Variants in CRTAM observed in about 807,000 individuals in gnomAD.
The protein encoded by CRTAM is cytotoxic and regulatory T-cell molecule.
A neutral mutation model predicts 50.0 loss-of-function variants in CRTAM; 44 were observed. The ratio of observed to expected loss-of-function variants is 0.88; its 90% confidence interval spans 0.69 to 1.13. The LOEUF is 1.13. Among genes scored for constraint, CRTAM ranks in the 50% most tolerant of loss-of-function variants. CRTAM has a pLI of 0.00. For synonymous variants in CRTAM, 159 were observed against 169.3 expected, an observed-to-expected ratio of 0.94 and a Z score of 0.47; for missense variants, 448 against 457.5, an observed-to-expected ratio of 0.98 and a Z score of 0.19.
At chr11:122,871,191 T>C (rs1862247432) in intron 9 of CRTAM, 78 bp from the exon 10 acceptor site, 1 of 1,320,314 alleles carries the variant, frequency 7.6e-7, no homozygotes, top group South Asian at 1.6e-5. Context: ...AAATATGATA[T>C]CCAATCAAAG....
In CRTAM at chr11:122,851,712, C is replaced by T; in HGVS notation, c.213C>T (p.Tyr71=). ...GTACAGCTTTAAAAAATTCCAAATA[C>T]CAGCTTCTTCATCACTCGGCCAATC... The part of the protein sequence containing the change: ...NEYPALKNSK[Y]QLLHHSANQL... Residue 71 remains tyrosine (Y), a synonymous_variant, in exon 3 of 10, where the codon TAC becomes TAT. Coordinates refer to ENST00000227348, the MANE Select transcript of CRTAM (RefSeq NM_019604.4). 7 of 1,614,164 alleles carry T rather than the reference C, an allele frequency of 4.3e-6. No homozygotes were observed. The highest frequency in any genetic ancestry group is 5.9e-6 in the Non-Finnish European group (7 of 1,180,012).
At chr11:122,841,002 A>T (rs990473782) in intron 1 of CRTAM, among the ~76,000 whole-genome samples, 1 of 152,206 alleles carries the variant, frequency 6.6e-6, no homozygotes, top group African/African-American at 2.4e-5. Context: ...TGTGGAGGGT[A>T]GGATGCAGAA....
Position 122,870,401 on chromosome 11 carries a change from T to C in CRTAM, c.1052-868T>C, listed in dbSNP as rs542561126. Among the ~76,000 whole-genome samples the C allele has an allele frequency of 6.6e-5, 10 of 152,274 alleles. No homozygotes were observed. In the East Asian group the frequency reaches 1.5e-3, roughly 24 times the overall value. On this transcript the variant is annotated intron_variant, in intron 9 of 9. Coordinates refer to ENST00000227348, the MANE Select transcript of CRTAM (RefSeq NM_019604.4). ...CAGCCAACTTTAAGAATATTTAAAA[T>C]GAGTACCTGCACGACTCAGGGGATT...
At chr11:122,846,926 C>T (rs1396412960) in intron 1 of CRTAM, among the ~76,000 whole-genome samples, 2 of 152,120 alleles carry the variant, frequency 1.3e-5, no homozygotes, top group Non-Finnish European at 2.9e-5. Flanking sequence ...GAAGGAGATC[C>T]CTAGTGAAGA....
intron 5 of CRTAM, among the ~76,000 whole-genome samples, chr11:122,856,335 T>C (rs1862007579): frequency 6.6e-6 from 1 of 152,276 alleles, no homozygotes; most frequent in Admixed American, 6.5e-5. Flanking sequence ...GATTTTAGTT[T>C]AACCATGTTA....
intron 2 of CRTAM, among the ~76,000 whole-genome samples, chr11:122,850,958 G>T (rs956442690): frequency 6.6e-6 from 1 of 152,166 alleles, no homozygotes; most frequent in Non-Finnish European, 1.5e-5. Flanking sequence ...ATAAAGCAGA[G>T]CCTCTTAAAG....
At chr11:122,854,231 T>C (rs1861975724) in intron 4 of CRTAM, 145 bp downstream of exon 4, 1 of 761,936 alleles carries the variant, frequency 1.3e-6, no homozygotes, top group Non-Finnish European at 2.0e-6. Context: ...AAGTTATTCT[T>C]ACAACCAATC....
At chr11:122,869,160 G>T (rs974657323) in intron 9 of CRTAM, among the ~76,000 whole-genome samples, 1 of 152,166 alleles carries the variant, frequency 6.6e-6, no homozygotes, top group Non-Finnish European at 1.5e-5. Context: ...AGCAGAAGGT[G>T]ACTTCCTTTT....
intron 9 of CRTAM, 101 bp downstream of exon 9, chr11:122,868,200 G>A: frequency 5.8e-6 from 3 of 513,950 alleles, no homozygotes; most frequent in East Asian, 7.3e-5. Context: ...GTGTGTGTGT[G>A]TGTGTGTGTG....
chr11:122,855,644 A>C lies in CRTAM; in HGVS notation c.491-51A>C, dbSNP rs774685857. On this transcript the variant is annotated intron_variant, in intron 4 of 9. Transcript: ENST00000227348. ...AGGCCATTGGCCTCTAATAGAACCAACCTCATCCAGTAGCATTAAATAGCC... is the reference window on the plus strand; with the variant it reads ...AGGCCATTGGCCTCTAATAGAACCACCCTCATCCAGTAGCATTAAATAGCC... 2.2e-5 allele frequency: 34 copies of C among 1,558,788 alleles called. No homozygotes were observed. In the South Asian group the frequency reaches 3.9e-4, roughly 18 times the overall value.
Position 122,871,638 on chromosome 11 carries a change from C to A in CRTAM, c.*239C>A. The A allele has an allele frequency of 3.6e-6, 1 of 277,658 alleles. No homozygotes were observed. Among genetic ancestry groups the A allele is most frequent in the Non-Finnish European group, 6.7e-6 (1 of 150,086 alleles). The allele number at this position is 277,658 out of a possible 1,614,324, so 17.2% of individuals were successfully genotyped here. A position where few individuals can be genotyped will look rare whatever the true frequency, so the allele number is the denominator to read the frequency against. The stretch of plus-strand genomic sequence containing the variant: ...AAAAAAATAATTATGCCTGACACTA[C>A]TTCAGAGCAGGAGGATTCTACGAAG... On this transcript the variant is annotated 3_prime_UTR_variant, in exon 10 of 10. Transcript: ENST00000227348.
intron 5 of CRTAM, among the ~76,000 whole-genome samples, chr11:122,857,119 C>A (rs1862016994): frequency 6.6e-6 from 1 of 152,204 alleles, no homozygotes; most frequent in African/African-American, 2.4e-5. Context: ...TGGCAGTTCT[C>A]CACCTTTACG....
At chr11:122,869,300 A>G (rs1217185721) in intron 9 of CRTAM, among the ~76,000 whole-genome samples, 2 of 152,148 alleles carry the variant, frequency 1.3e-5, no homozygotes. Flanking sequence ...TTACATAGCT[A>G]CTACAATACT....
Position 122,851,425 on chromosome 11 carries a change from T to C in CRTAM, c.194-268T>C, listed in dbSNP as rs542887761. On this transcript the variant is annotated intron_variant, in intron 2 of 9. Transcript: ENST00000227348. ...TTTAAATAGAGATAATTCTGTTACA[T>C]AATGCTTTTTGTTGTTTTGTTTCTG... 7.0e-4 allele frequency among the ~76,000 whole-genome samples: 107 copies of C among 152,334 alleles called. 1 individual carries two copies. Among genetic ancestry groups the C allele is most frequent in the African/African-American group, 2.3e-3 (96 of 41,582 alleles).
chr11:122,845,155 G>C (rs973801735), intron 1 of CRTAM, among the ~76,000 whole-genome samples: 1 of 152,144 alleles, frequency 6.6e-6, no homozygotes, highest in Non-Finnish European at 1.5e-5. Context: ...GTTAGGAAGG[G>C]AGTCAAAAAG....
At chr11:122,867,964 A>T in intron 8 of CRTAM, 49 bp from the exon 9 acceptor site, 3 of 1,100,356 alleles carry the variant, frequency 2.7e-6, no homozygotes, top group Non-Finnish European at 4.2e-6. Context: ...ATACATTTCT[A>T]CATGTCCATG....
intron 7 of CRTAM, among the ~76,000 whole-genome samples, chr11:122,865,047 T>A (rs1196711363): frequency 1.3e-5 from 2 of 152,076 alleles, no homozygotes; most frequent in African/African-American, 4.8e-5. Context: ...ATATATATTT[T>A]TTTTGTGAGA....
In CRTAM at chr11:122,868,052, C is replaced by T; in HGVS notation, c.1004C>T (p.Ser335Leu). 1 of 1,613,222 alleles carries T rather than the reference C, an allele frequency of 6.2e-7. No homozygotes were observed. Among genetic ancestry groups the T allele is most frequent in the South Asian group, 1.1e-5 (1 of 91,026 alleles). The stretch of plus-strand genomic sequence containing the variant: ...GAACACACACTAGAAAGTTACAGAT[C>T]AAGGTCAAATAATGAAGAAACATCA... ...VSEHTLESYR[S>L]RSNNEETSSE... The change falls in exon 9 of 10, where the codon TCA (serine) becomes TTA (leucine). Residue 335 changes from serine (S) to leucine (L), a missense_variant. Ser to Leu is a moderately radical substitution (Grantham distance 145). Coordinates refer to ENST00000227348, the MANE Select transcript of CRTAM (RefSeq NM_019604.4).
At position 122,872,420 on chromosome 11, in the gene CRTAM, G is replaced by T. The variant is rs1361320273; in HGVS notation, c.*1021G>T. 2.6e-5 allele frequency: 4 copies of T among 152,494 alleles called. No homozygotes were observed. Among genetic ancestry groups the T allele is most frequent in the Non-Finnish European group, 5.9e-5 (4 of 68,038 alleles). The allele number at this position is 152,494 out of a possible 1,614,324, so 9.4% of individuals were successfully genotyped here. On this transcript the variant is annotated 3_prime_UTR_variant, in exon 10 of 10. Transcript: ENST00000227348. ...TGATGGGTTGAATTTACTGATTATT[G>T]ACCTAATGGATGGCTTTTTAAAATG...
Sources: gnomAD v4.1 joint callset for allele counts (sites outside exome capture counted in the v4.1 genomes callset) on GRCh38, gnomAD v4.1.1 for gene constraint, MANE v1.5 for transcripts, NCBI Gene and HGNC (gene_info 2026-07-23, HGNC 2026-07-21) for gene names.